The following GPHN variants were observed in gnomAD, a reference collection of about 807,000 sequenced individuals.
The protein encoded by GPHN is gephyrin.
GPHN carries 17 observed loss-of-function variants against 95.5 expected under a neutral mutation model. The observed-to-expected ratio is 0.18, with a 90% CI of 0.12 to 0.27. GPHN has a LOEUF of 0.27. GPHN is among the 10% of genes least tolerant of loss of function. The probability of loss-of-function intolerance (pLI) is 1.00; values close to 1 mark genes in which losing one functional copy is unlikely to be tolerated. For missense variants in GPHN, 660 were observed against 978.1 expected, an observed-to-expected ratio of 0.67 and a Z score of 4.34; for synonymous variants, 320 against 322.5, an observed-to-expected ratio of 0.99 and a Z score of 0.08.
chr14:67,159,271 AT>A lies in GPHN; in HGVS notation c.1837-141del, dbSNP rs1054813883. ...ATGGATAAATGAAGAATGAAGGAAT[AT>A]TTGTGTTAAGCAAATCAACTCCATT... On this transcript the variant is annotated intron_variant, in intron 18 of 22. Coordinates refer to ENST00000478722, the MANE Select transcript of GPHN (RefSeq NM_020806.5). 1.3e-4 allele frequency: 88 copies of A among 680,340 alleles called. No individual in the cohort carries two copies. In the African/African-American group the frequency reaches 1.5e-3, roughly 11 times the overall value. 42.1% of individuals were successfully genotyped at this position (680,340 alleles called of 1,614,324 possible). A position where few individuals can be genotyped will look rare whatever the true frequency, so the allele number is the denominator to read the frequency against.
the GPHN span, among the ~76,000 whole-genome samples, chr14:67,459,888 C>T: frequency 3.7e-4 from 56 of 152,322 alleles, no homozygotes; most frequent in Middle Eastern, 3.4e-3. Flanking sequence ...AAGTTTAAAA[C>T]GGATGACTGA....
chr14:67,486,084 G>A, the GPHN span, among the ~76,000 whole-genome samples: 4,548 of 152,310 alleles, frequency 0.03, 214 homozygotes, highest in African/African-American at 0.1. Flanking sequence ...CTGTTTCCCA[G>A]GTGTGAGTGC....
intron 5 of GPHN, among the ~76,000 whole-genome samples, chr14:66,895,286 C>T (rs917727474): frequency 1.3e-5 from 2 of 152,164 alleles, no homozygotes; most frequent in Non-Finnish European, 2.9e-5. Flanking sequence ...CATGTTCTCA[C>T]TCATAGGTGG....
the GPHN span, among the ~76,000 whole-genome samples, chr14:67,689,521 A>C: frequency 1.3e-5 from 2 of 152,194 alleles, no homozygotes; most frequent in African/African-American, 4.8e-5. Context: ...ATCTAGTGCC[A>C]GTTCAGGTCC....
chr14:66,861,155 A>C (rs2063008729), intron 4 of GPHN, among the ~76,000 whole-genome samples: 1 of 152,142 alleles, frequency 6.6e-6, no homozygotes, highest in Non-Finnish European at 1.5e-5. Flanking sequence ...TTCACCTGTA[A>C]AGACAAATAT....
chr14:67,327,092 T>G, the GPHN span, among the ~76,000 whole-genome samples: 1 of 152,136 alleles, frequency 6.6e-6, no homozygotes, highest in South Asian at 2.1e-4. Context: ...GGAGAATCAC[T>G]TGAACCCGGG....
chr14:67,205,783 A>G, the GPHN span, among the ~76,000 whole-genome samples: 3 of 152,202 alleles, frequency 2.0e-5, no homozygotes, highest in East Asian at 5.8e-4. Context: ...TCTCCTGTGT[A>G]AGGGAATGAA....
At chr14:66,702,890 A>G (rs1326202966) in intron 2 of GPHN, among the ~76,000 whole-genome samples, 1 of 152,164 alleles carries the variant, frequency 6.6e-6, no homozygotes, top group Non-Finnish European at 1.5e-5. Flanking sequence ...AAAGATAAGA[A>G]CGTTGATAAA....
the GPHN span, among the ~76,000 whole-genome samples, chr14:67,700,504 A>G: frequency 9.3e-5 from 14 of 149,900 alleles, no homozygotes; most frequent in East Asian, 2.4e-3. Context: ...TCACGAGGTC[A>G]GGAGATCGAG....
the GPHN span, among the ~76,000 whole-genome samples, chr14:67,267,776 A>G: frequency 6.6e-6 from 1 of 152,104 alleles, no homozygotes; most frequent in Non-Finnish European, 1.5e-5. Context: ...TCTCCAGGAA[A>G]CCACCAAACT....
chr14:67,308,312 TC>T, the GPHN span, among the ~76,000 whole-genome samples: 1 of 132,454 alleles, frequency 7.5e-6, no homozygotes, highest in Non-Finnish European at 1.6e-5. Flanking sequence ...AAACCAAACT[TC>T]CTTTTTTTTT....
intron 1 of GPHN, among the ~76,000 whole-genome samples, chr14:66,642,517 G>A (rs536750918): frequency 1.3e-5 from 2 of 151,464 alleles, no homozygotes; most frequent in South Asian, 4.2e-4. Context: ...TCTTTACTGA[G>A]CCTTAAGAGT....
the GPHN span, among the ~76,000 whole-genome samples, chr14:67,573,571 C>T: frequency 2.6e-5 from 4 of 152,256 alleles, no homozygotes; most frequent in Non-Finnish European, 4.4e-5. The surrounding 1 kb of genome is among the most constrained non-coding windows in gnomAD (Gnocchi z 4.8). Flanking sequence ...TAAGCCTGGC[C>T]GTGAGTTTCA....
chr14:66,932,459 T>G (rs866056712), intron 8 of GPHN, among the ~76,000 whole-genome samples: 448 of 116,248 alleles, frequency 3.9e-3, no homozygotes, highest in Non-Finnish European at 6.4e-3. Context: ...TTTTTTTTTT[T>G]TTTTTTTTTT....
the GPHN span, chr14:67,574,311 G>C: frequency 6.2e-7 from 1 of 1,606,430 alleles, no homozygotes; most frequent in East Asian, 2.2e-5. This position sits in a 1 kb window ranked among gnomAD's most constrained non-coding sequence, Gnocchi z 4.2. Flanking sequence ...GTGGATCCGA[G>C]TACTCCAGAG....
At chr14:67,360,218 T>C in the GPHN span, 10 of 401,098 alleles carry the variant, frequency 2.5e-5, no homozygotes, top group South Asian at 1.1e-4. Context: ...ACTTTTCAGG[T>C]CCTTCCATGA....
chr14:67,110,929 A>G (rs2153685686), intron 14 of GPHN, among the ~76,000 whole-genome samples: 1 of 152,354 alleles, frequency 6.6e-6, no homozygotes, highest in East Asian at 1.9e-4. Flanking sequence ...CTCACTGAAA[A>G]TAGTGGCAGG....
At chr14:66,873,129 G>A (rs1008972408) in intron 4 of GPHN, among the ~76,000 whole-genome samples, 1 of 152,170 alleles carries the variant, frequency 6.6e-6, no homozygotes, top group African/African-American at 2.4e-5. Context: ...CATGGAGGGT[G>A]AGCTGAAGCA....
chr14:67,310,899 G>A, the GPHN span, among the ~76,000 whole-genome samples: 5 of 151,744 alleles, frequency 3.3e-5, no homozygotes, highest in East Asian at 1.9e-4. Flanking sequence ...GTCTGTCATC[G>A]ACAGTACTCA....
Sources: allele counts gnomAD v4.1 joint callset (sites outside exome capture counted in the v4.1 genomes callset), GRCh38; gene constraint gnomAD v4.1.1; non-coding constraint Gnocchi (gnomAD v3.1); transcripts MANE v1.5; gene names NCBI Gene and HGNC (gene_info 2026-07-23, HGNC 2026-07-21).